Variants in POLR3B observed in about 807,000 individuals in gnomAD.
POLR3B encodes the protein DNA-directed RNA polymerase III subunit RPC2.
POLR3B carries 96 observed loss-of-function variants against 147.4 expected under a neutral mutation model. The ratio of observed to expected loss-of-function variants is 0.65; its 90% CI spans 0.55 to 0.77. POLR3B has a LOEUF of 0.77. Ranked by LOEUF, POLR3B falls within the 30% of genes least tolerant of loss-of-function variation. The pLI, the probability that POLR3B is intolerant of heterozygous loss-of-function variation, is 0.00. For synonymous variants in POLR3B, 461 were observed against 485.9 expected (o/e 0.95, Z 0.67); for missense variants, 1,036 against 1,413.5 (o/e 0.73, Z 4.28).
At chr12:106,452,072 G>A (rs540264036) in intron 19 of POLR3B, among the ~76,000 whole-genome samples, 21 of 152,280 alleles carry the variant, frequency 1.4e-4, no homozygotes, top group African/African-American at 3.8e-4. Context: ...AAGTTTGAGC[G>A]TGTGCTGCAC....
chr12:106,497,151 G>A lies in POLR3B; in HGVS notation c.2984+233G>A, dbSNP rs555189068. On this transcript the variant is annotated intron_variant, in intron 25 of 27. Transcript: ENST00000228347. ...AAAAAAAAAAATTTTTTTTTTTTTAGCTCATCAGCTATCATTTGTGTTAGC... is the reference window on the plus strand; with the variant it reads ...AAAAAAAAAAATTTTTTTTTTTTTAACTCATCAGCTATCATTTGTGTTAGC... Among the ~76,000 whole-genome samples, 150 of 146,916 alleles carry A rather than the reference G, an allele frequency of 1.0e-3. 1 individual carries two copies. Among genetic ancestry groups the A allele is most frequent in the African/African-American group, 3.5e-3 (143 of 40,302 alleles).
At position 106,509,573 on chromosome 12, in the gene POLR3B, G is replaced by C; in HGVS notation, c.*24G>C. On this transcript the variant is annotated 3_prime_UTR_variant, in exon 28 of 28. Transcript: ENST00000228347. ...GAGGATGGAAAAAATGATTATTAAA[G>C]AGAACAAGTGATACATCCAATGCAA... 6.2e-7 allele frequency: 1 copy of C among 1,600,294 alleles called. No homozygotes were observed. Among genetic ancestry groups the C allele is most frequent in the South Asian group, 1.1e-5 (1 of 90,726 alleles).
intron 10 of POLR3B, among the ~76,000 whole-genome samples, chr12:106,402,740 A>G (rs1195480722): frequency 2.0e-5 from 3 of 152,252 alleles, no homozygotes; most frequent in Admixed American, 2.0e-4. Context: ...CGGTGCTGGG[A>G]AAACTGGCTA....
chr12:106,496,069 A>G lies in POLR3B; in HGVS notation c.2728A>G (p.Ile910Val), dbSNP rs569069911. 28 of 1,609,874 alleles carry G rather than the reference A, an allele frequency of 1.7e-5. No homozygotes were observed. The African/African-American group carries it at 2.8e-4, about 16-fold the overall frequency. ...RHGQKGVCGL[I>V]VPQEDMPFCD... ...CTCTCCCCCAGGTGTTTGTGGCTTG[A>G]TCGTCCCCCAGGAAGACATGCCATT... The change falls in exon 24 of 28, where the codon ATC (isoleucine) becomes GTC (valine). Residue 910 changes from isoleucine (I) to valine (V), a missense_variant. By Grantham distance (29) the Ile-to-Val change is conservative. Coordinates refer to ENST00000228347, the MANE Select transcript of POLR3B (RefSeq NM_018082.6).
chr12:106,432,577 A>T lies in POLR3B; in HGVS notation c.1627+97A>T. ...GGTATTTAAAGCACAGATAGACTTT[A>T]ATTCTGGGCCCAGGTTGACCTTCAC... On this transcript the variant is annotated intron_variant, in intron 15 of 27. Coordinates refer to ENST00000228347, the MANE Select transcript of POLR3B (RefSeq NM_018082.6). 4 of 1,014,582 alleles carry T rather than the reference A, an allele frequency of 3.9e-6. No homozygotes were observed. The South Asian group carries it at 5.1e-5, about 13-fold the overall frequency. 62.8% of individuals were successfully genotyped at this position (1,014,582 alleles called of 1,614,324 possible). A position where few individuals can be genotyped will look rare whatever the true frequency, so the allele number is the denominator to read the frequency against.
At chr12:106,467,853 G>T (rs1171511549) in intron 23 of POLR3B, among the ~76,000 whole-genome samples, 2 of 152,152 alleles carry the variant, frequency 1.3e-5, no homozygotes, top group Admixed American at 6.5e-5. Flanking sequence ...GATTTGGTTT[G>T]CCAGTATTTT....
At chr12:106,508,413 C>A (rs951308251) in intron 27 of POLR3B, among the ~76,000 whole-genome samples, 20 of 152,176 alleles carry the variant, frequency 1.3e-4, no homozygotes, top group African/African-American at 4.3e-4. Flanking sequence ...ATCTTCCAAG[C>A]CTCAGTTGCT....
intron 13 of POLR3B, 140 bp downstream of exon 13, chr12:106,427,498 T>A (rs1055874176): frequency 1.3e-6 from 1 of 796,478 alleles, no homozygotes; most frequent in Non-Finnish European, 2.1e-6. Flanking sequence ...ATTTCTACTT[T>A]GAAAGAAAGT....
intron 9 of POLR3B, among the ~76,000 whole-genome samples, chr12:106,384,852 G>A (rs2036813270): frequency 6.7e-6 from 1 of 149,984 alleles, no homozygotes. Flanking sequence ...TTTTGAGATG[G>A]CGTTTCGCTC....
At chr12:106,497,039 G>C in intron 25 of POLR3B, 121 bp downstream of exon 25, 2 of 964,258 alleles carry the variant, frequency 2.1e-6, no homozygotes, top group African/African-American at 1.6e-5. Flanking sequence ...GCCCGTGGGC[G>C]GCATGTGGCC....
At chr12:106,472,580 T>C (rs2038109129) in intron 23 of POLR3B, among the ~76,000 whole-genome samples, 1 of 151,472 alleles carries the variant, frequency 6.6e-6, no homozygotes, top group Non-Finnish European at 1.5e-5. Flanking sequence ...TGATATCTCA[T>C]AGTGCTTTTG....
intron 19 of POLR3B, among the ~76,000 whole-genome samples, chr12:106,446,954 C>A (rs2037733189): frequency 6.6e-6 from 1 of 152,066 alleles, no homozygotes; most frequent in Non-Finnish European, 1.5e-5. Flanking sequence ...ACAGCAGATA[C>A]CCAGGTCTGT....
chr12:106,475,782 C>T (rs2038159613), intron 23 of POLR3B, among the ~76,000 whole-genome samples: 2 of 149,124 alleles, frequency 1.3e-5, no homozygotes, highest in Non-Finnish European at 3.0e-5. Flanking sequence ...GATGGGTTTC[C>T]TGAATACAGC....
chr12:106,437,048 C>T lies in POLR3B; in HGVS notation c.1782-9C>T. On this transcript the variant is annotated splice_polypyrimidine_tract_variant and intron_variant, in intron 16 of 27. Coordinates refer to ENST00000228347, the MANE Select transcript of POLR3B (RefSeq NM_018082.6). ...CTATTATTAATTTGGTTTGCTGTTTCCATTCTAGACCCTACATAATTGTCA... is the reference window on the plus strand; with the variant it reads ...CTATTATTAATTTGGTTTGCTGTTTTCATTCTAGACCCTACATAATTGTCA... 1.2e-6 allele frequency: 2 copies of T among 1,610,014 alleles called. No homozygotes were observed. Among genetic ancestry groups the T allele is most frequent in the South Asian group, 1.1e-5 (1 of 90,834 alleles).
intron 23 of POLR3B, among the ~76,000 whole-genome samples, chr12:106,469,690 ATT>A (rs1218752502): frequency 6.6e-6 from 1 of 152,060 alleles, no homozygotes; most frequent in Non-Finnish European, 1.5e-5. Context: ...AAAGGATTTT[ATT>A]TCTCCTTCAC....
intron 10 of POLR3B, among the ~76,000 whole-genome samples, 157 bp downstream of exon 10, chr12:106,393,310 G>A (rs748778633): frequency 2.6e-5 from 4 of 152,228 alleles, no homozygotes; most frequent in East Asian, 1.9e-4. Flanking sequence ...ACTCACTTTC[G>A]TCAGGTTTGG....
chr12:106,378,864 T>C (rs540745550), intron 8 of POLR3B, among the ~76,000 whole-genome samples: 8 of 152,364 alleles, frequency 5.3e-5, no homozygotes, highest in Non-Finnish European at 1.2e-4. Context: ...TCATTTTTAC[T>C]ACAGTCTCCC....
At chr12:106,380,354 G>A (rs1441780332) in intron 9 of POLR3B, among the ~76,000 whole-genome samples, 3 of 148,492 alleles carry the variant, frequency 2.0e-5, no homozygotes, top group Non-Finnish European at 4.4e-5. Context: ...TGGGCAGATC[G>A]CCTGAGCCCA....
chr12:106,394,738 GAAGATGGCAGGAA>G (rs1277909781), intron 10 of POLR3B, among the ~76,000 whole-genome samples: 2 of 152,196 alleles, frequency 1.3e-5, no homozygotes. Flanking sequence ...AGATTAGTGA[GAAGATGGCAGGAA>G]AAGATGGAAG....
Sources: gnomAD v4.1 joint callset for allele counts (sites outside exome capture counted in the v4.1 genomes callset) on GRCh38, gnomAD v4.1.1 for gene constraint, MANE v1.5 for transcripts, NCBI Gene and HGNC (gene_info 2026-07-23, HGNC 2026-07-21) for gene names.